The following SPICE1 variants were observed in gnomAD, a reference collection of about 807,000 sequenced individuals.
The protein encoded by SPICE1 is spindle and centriole-associated protein 1.
In SPICE1, 75 loss-of-function variants were observed where a neutral mutation model predicts 102.7. The observed-to-expected ratio is 0.73, with a 90% CI of 0.61 to 0.88. The LOEUF (loss-of-function observed/expected upper bound fraction) is 0.88. Among genes scored for constraint, SPICE1 ranks in the 40% least tolerant of loss-of-function variants. The pLI is 0.00. For synonymous variants in SPICE1, 308 were observed against 350.3 expected (o/e 0.88, Z 1.35); for missense variants, 979 against 1,020.1 (o/e 0.96, Z 0.55).
intron 17 of SPICE1, 119 bp from the exon 18 acceptor site, chr3:113,445,479 T>C (rs1935491764): frequency 1.4e-6 from 1 of 711,310 alleles, no homozygotes; most frequent in Non-Finnish European, 2.4e-6. Flanking sequence ...CATTGAATGG[T>C]ACTGGAAATT....
intron 4 of SPICE1, 176 bp downstream of exon 4, chr3:113,499,263 C>G (rs1936960352): frequency 3.4e-6 from 2 of 587,320 alleles, no homozygotes; most frequent in Non-Finnish European, 5.4e-6. Context: ...GAATTCAAAC[C>G]ACCAAACCAG....
intron 7 of SPICE1, among the ~76,000 whole-genome samples, chr3:113,479,230 GT>G (rs1156738580): frequency 6.7e-6 from 1 of 149,034 alleles, no homozygotes; most frequent in Non-Finnish European, 1.5e-5. Context: ...GTGGTGTTTG[GT>G]TTTTTGTCCT....
chr3:113,453,050 T>A (rs1296462372), intron 14 of SPICE1, among the ~76,000 whole-genome samples: 1 of 152,172 alleles, frequency 6.6e-6, no homozygotes, highest in African/African-American at 2.4e-5. Flanking sequence ...GGAAAATCCA[T>A]TCTATGTCCT....
At chr3:113,451,896 C>T (rs949959130) in intron 14 of SPICE1, among the ~76,000 whole-genome samples, 11 of 143,422 alleles carry the variant, frequency 7.7e-5, no homozygotes, top group Non-Finnish European at 1.0e-4. Flanking sequence ...TGACTCACCT[C>T]ACCCTAACCT....
intron 7 of SPICE1, among the ~76,000 whole-genome samples, chr3:113,477,178 T>A (rs1222822926): frequency 6.6e-6 from 1 of 151,798 alleles, no homozygotes; most frequent in Admixed American, 6.6e-5. Flanking sequence ...AAAAAACACA[T>A]GAAAAAATGC....
chr3:113,486,210 C>CATATATATATATATATATATATAT (rs60309507), intron 7 of SPICE1, among the ~76,000 whole-genome samples: 134 of 141,000 alleles, frequency 9.5e-4, no homozygotes, highest in East Asian at 1.5e-3. Context: ...TGACCATTCT[C>CATATATATATATATATATATATAT]ATATATATAT....
Position 113,489,030 on chromosome 3 carries a change from T to C in SPICE1, c.526A>G (p.Thr176Ala). 2 of 1,612,904 alleles carry C rather than the reference T, an allele frequency of 1.2e-6. No individual in the cohort carries two copies. Among genetic ancestry groups the C allele is most frequent in the Non-Finnish European group, 1.7e-6 (2 of 1,179,090 alleles). ...CTTTCTCCTGACTGGCTATTAACAG[T>C]TCCTTCTTCTTCACCATCTACATCA... ...LNDVDGEEEG[T>A]VNSQSGESEN... The change falls in exon 7 of 18, where the codon ACT becomes GCT. Residue 176 changes from threonine to alanine, a missense_variant. Transcript: ENST00000295872.
chr3:113,488,908 C>T (rs769808693), intron 7 of SPICE1, 37 bp downstream of exon 7: 1 of 1,296,228 alleles, frequency 7.7e-7, no homozygotes. Flanking sequence ...ATGGAAAAAA[C>T]CTGAGAGTTG....
At chr3:113,496,347 A>C (rs1037521934) in intron 4 of SPICE1, among the ~76,000 whole-genome samples, 2 of 152,082 alleles carry the variant, frequency 1.3e-5, no homozygotes, top group Non-Finnish European at 2.9e-5. Context: ...TCCTCAAATG[A>C]GTTTGCAGAG....
intron 15 of SPICE1, 47 bp downstream of exon 15, chr3:113,450,289 G>T: frequency 6.2e-7 from 1 of 1,609,188 alleles, no homozygotes; most frequent in South Asian, 1.1e-5. Flanking sequence ...CAAGAAAACT[G>T]AAAACCTTCA....
intron 12 of SPICE1, chr3:113,459,973 G>C (rs1485443425): frequency 2.0e-6 from 2 of 984,602 alleles, no homozygotes; most frequent in Admixed American, 6.2e-5. Flanking sequence ...GTTAAATTTT[G>C]GTCAGCCACT....
chr3:113,487,960 CA>C (rs557401003), intron 7 of SPICE1, among the ~76,000 whole-genome samples: 4 of 151,908 alleles, frequency 2.6e-5, no homozygotes, highest in South Asian at 2.1e-4. Flanking sequence ...TGTACTTCTT[CA>C]AAACTATAAA....
intron 7 of SPICE1, among the ~76,000 whole-genome samples, chr3:113,486,881 ATATC>A (rs1287768418): frequency 7.0e-6 from 1 of 143,540 alleles, no homozygotes; most frequent in Non-Finnish European, 1.5e-5. Context: ...ATATATATAT[ATATC>A]TGCTTACATT....
Position 113,446,606 on chromosome 3 carries a change from G to A in SPICE1, c.2497C>T (p.Leu833Phe), listed in dbSNP as rs776538257. ...ATSGSGRFTP[L>F]NPRAKIEKQN... Reference sequence around the variant, plus strand: ...ACGTGTACCTTTGCTCTTGGATTAAGAGGTGTGAATCTCCCACTTCCTGAG... The same window carrying A: ...ACGTGTACCTTTGCTCTTGGATTAAAAGGTGTGAATCTCCCACTTCCTGAG... Residue 833 changes from leucine to phenylalanine, a missense_variant, in exon 17 of 18, where the codon CTT becomes TTT. Coordinates refer to ENST00000295872, the MANE Select transcript of SPICE1 (RefSeq NM_144718.4). 1 of 1,613,534 alleles carries A rather than the reference G, an allele frequency of 6.2e-7. No individual in the cohort carries two copies. The highest frequency in any genetic ancestry group is 1.1e-5 in the South Asian group (1 of 90,946).
intron 7 of SPICE1, among the ~76,000 whole-genome samples, chr3:113,478,536 G>A (rs1171902311): frequency 6.6e-6 from 1 of 152,074 alleles, no homozygotes; most frequent in Non-Finnish European, 1.5e-5. Flanking sequence ...TAACACTTAT[G>A]TTCCAAAAAA....
rs35823502 is a variant in SPICE1 at position 113,489,847 on chromosome 3, CAAA to C, written c.493-787_493-785del. Reference sequence around the variant, plus strand: ...TGGGCAACAGAGCAAGACCCTGTCTCAAAAAAAAAAAAAAAAAAAAAACGCTAC... The same window carrying C: ...TGGGCAACAGAGCAAGACCCTGTCTCAAAAAAAAAAAAAAAAAAACGCTAC... On this transcript the variant is annotated intron_variant, in intron 6 of 17. Coordinates refer to ENST00000295872, the MANE Select transcript of SPICE1 (RefSeq NM_144718.4). Among the ~76,000 whole-genome samples the C allele has an allele frequency of 5.3e-3, 426 of 80,158 alleles. 1 individual carries two copies. The highest frequency in any genetic ancestry group is 0.011 in the African/African-American group (261 of 23,118). The allele number at this position is 80,158 out of a possible 152,430, so 52.6% of individuals were successfully genotyped here. A position where few individuals can be genotyped will look rare whatever the true frequency, so the allele number is the denominator to read the frequency against.
At chr3:113,514,655 C>G (rs1377525176) in intron 1 of SPICE1, 3 of 684,920 alleles carry the variant, frequency 4.4e-6, no homozygotes, top group Non-Finnish European at 6.9e-6. Context: ...CCTCAAAACT[C>G]ACAGGAGGAG....
chr3:113,472,134 C>T (rs575280932), intron 7 of SPICE1, among the ~76,000 whole-genome samples: 18 of 152,336 alleles, frequency 1.2e-4, no homozygotes, highest in Non-Finnish European at 2.5e-4. Context: ...AGATTATATC[C>T]GGCACCTGGC....
intron 16 of SPICE1, among the ~76,000 whole-genome samples, chr3:113,446,968 T>TGG (rs900338212): frequency 1.2e-4 from 18 of 152,140 alleles, no homozygotes; most frequent in Admixed American, 3.9e-4. Flanking sequence ...AACTGAATCA[T>TGG]GGGGGCCGGT....
Sources: gnomAD v4.1 joint callset for allele counts (sites outside exome capture counted in the v4.1 genomes callset) on GRCh38, gnomAD v4.1.1 for gene constraint, MANE v1.5 for transcripts, NCBI Gene and HGNC (gene_info 2026-07-23, HGNC 2026-07-21) for gene names.